The following CNTN6 variants were observed in gnomAD, a reference collection of about 807,000 sequenced individuals.
CNTN6 encodes contactin 6.
CNTN6 carries 137 observed loss-of-function variants against 122.8 expected under a neutral mutation model. The ratio of observed to expected loss-of-function variants is 1.12; its 90% CI spans 0.97 to 1.29. The LOEUF (loss-of-function observed/expected upper bound fraction) is 1.29. CNTN6 is among the 50% of genes most tolerant of loss of function. CNTN6 has a pLI of 0.00. For synonymous variants in CNTN6, 570 were observed against 426.0 expected (o/e 1.34, Z -4.16); for missense variants, 1,634 against 1,223.4 (o/e 1.34, Z -5.01).
At chr3:1,387,855 A>T (rs559848400) in intron 20 of CNTN6, among the ~76,000 whole-genome samples, 1 of 152,266 alleles carries the variant, frequency 6.6e-6, no homozygotes, top group Admixed American at 6.5e-5. Flanking sequence ...TTTTCGGACC[A>T]GCTTAAAAAA....
chr3:1,166,313 T>C (rs1349748229), intron 2 of CNTN6, among the ~76,000 whole-genome samples: 3 of 152,162 alleles, frequency 2.0e-5, no homozygotes, highest in East Asian at 1.9e-4. Context: ...ACTTGCCCAA[T>C]GTCATTCAGA....
At chr3:1,330,447 T>C (rs1702131683) in intron 11 of CNTN6, among the ~76,000 whole-genome samples, 1 of 151,818 alleles carries the variant, frequency 6.6e-6, no homozygotes, top group Non-Finnish European at 1.5e-5. Context: ...AGGTCAGCAC[T>C]GGCATGTTTT....
chr3:1,185,937 G>C (rs1261150957), intron 2 of CNTN6, among the ~76,000 whole-genome samples: 2 of 151,992 alleles, frequency 1.3e-5, no homozygotes, highest in Non-Finnish European at 2.9e-5. Flanking sequence ...TACATTTTAG[G>C]CCTTTGTTAC....
intron 4 of CNTN6, among the ~76,000 whole-genome samples, chr3:1,273,160 A>C (rs1043443108): frequency 2.6e-5 from 4 of 152,190 alleles, no homozygotes; most frequent in Non-Finnish European, 5.9e-5. Context: ...TAATGAGAGC[A>C]ACCTCAACAA....
intron 4 of CNTN6, among the ~76,000 whole-genome samples, chr3:1,230,705 T>C (rs925647008): frequency 6.6e-6 from 1 of 152,164 alleles, no homozygotes; most frequent in African/African-American, 2.4e-5. Flanking sequence ...TTTCTTAAAG[T>C]ATGTTGTTAG....
chr3:1,298,152 T>G (rs1696600951), intron 7 of CNTN6, 161 bp downstream of exon 7: 1 of 580,526 alleles, frequency 1.7e-6, no homozygotes, highest in East Asian at 2.9e-5. Context: ...CAAACATGTC[T>G]AATACTGAGA....
chr3:1,094,705 A>T lies in CNTN6; in HGVS notation c.-83+1585A>T, dbSNP rs188582769. On this transcript the variant is annotated intron_variant, in intron 1 of 22. Transcript: ENST00000446702. ...CTGAGTTTAGAACCCCCTCTAAAAAAAATCAATTATGTTGTGAAAAGGATG... is the reference window on the plus strand; with the variant it reads ...CTGAGTTTAGAACCCCCTCTAAAAATAATCAATTATGTTGTGAAAAGGATG... Among the ~76,000 whole-genome samples, 512 of 152,232 alleles carry T rather than the reference A, an allele frequency of 3.4e-3. 2 individuals are homozygous for T. The highest frequency in any genetic ancestry group is 0.012 in the African/African-American group (491 of 41,582).
chr3:1,161,062 C>A (rs1312714814), intron 2 of CNTN6, among the ~76,000 whole-genome samples: 1 of 151,830 alleles, frequency 6.6e-6, no homozygotes. Flanking sequence ...CTGTGCATTT[C>A]TTCCCAAATT....
chr3:1,114,935 A>C (rs2091648691), intron 1 of CNTN6, among the ~76,000 whole-genome samples: 1 of 152,192 alleles, frequency 6.6e-6, no homozygotes, highest in Non-Finnish European at 1.5e-5. Context: ...CTTAGGAGGC[A>C]GTGGTAGAAA....
chr3:1,102,680 A>T (rs1468682970), intron 1 of CNTN6, among the ~76,000 whole-genome samples: 1 of 149,938 alleles, frequency 6.7e-6, no homozygotes, highest in Non-Finnish European at 1.5e-5. Flanking sequence ...GTGAGCAGAG[A>T]TGGCGCCACC....
chr3:1,394,799 A>G (rs1694781125), intron 20 of CNTN6, among the ~76,000 whole-genome samples: 1 of 152,200 alleles, frequency 6.6e-6, no homozygotes, highest in African/African-American at 2.4e-5. Context: ...ATCAAATGCT[A>G]AAGATTATTG....
intron 4 of CNTN6, among the ~76,000 whole-genome samples, chr3:1,237,096 G>A (rs2094432442): frequency 6.6e-6 from 1 of 151,426 alleles, no homozygotes; most frequent in African/African-American, 2.4e-5. Flanking sequence ...GAAAAAAAAA[G>A]AAGCCACCAA....
At chr3:1,310,189 C>A (rs1413899127) in intron 7 of CNTN6, among the ~76,000 whole-genome samples, 1 of 152,008 alleles carries the variant, frequency 6.6e-6, no homozygotes, top group African/African-American at 2.4e-5. Flanking sequence ...ACATGCTTGC[C>A]TTTTTCCGCT....
At chr3:1,142,966 GTGTATATATATATATA>G (rs1482848746) in intron 1 of CNTN6, among the ~76,000 whole-genome samples, 44 of 96,606 alleles carry the variant, frequency 4.6e-4, no homozygotes, top group African/African-American at 8.1e-4. Context: ...GTGTGTGTGT[GTGTATATATATATATA>G]TATATATATA....
At chr3:1,342,259 AG>A (rs1703997290) in intron 11 of CNTN6, among the ~76,000 whole-genome samples, 1 of 152,036 alleles carries the variant, frequency 6.6e-6, no homozygotes, top group South Asian at 2.1e-4. Context: ...CCTCTGGAAT[AG>A]CTGGGATTAC....
intron 4 of CNTN6, among the ~76,000 whole-genome samples, chr3:1,253,308 C>T (rs1165852721): frequency 6.6e-6 from 1 of 152,108 alleles, no homozygotes; most frequent in African/African-American, 2.4e-5. Context: ...TTTTATCTCA[C>T]TAGTCTTGTT....
rs142401347 is a variant in CNTN6 at position 1,301,099 on chromosome 3, C to T, written c.761+3108C>T. ...TCGCCCAGGCTGGAGTGCAATGGCACGATCTCGGCTCACTGCAACCTCCGC... is the reference window on the plus strand; with the variant it reads ...TCGCCCAGGCTGGAGTGCAATGGCATGATCTCGGCTCACTGCAACCTCCGC... On this transcript the variant is annotated intron_variant, in intron 7 of 22. Transcript: ENST00000446702. 1.5e-3 allele frequency among the ~76,000 whole-genome samples: 205 copies of T among 139,648 alleles called. 4 individuals are homozygous for T. In the East Asian group the frequency reaches 0.035, roughly 24 times the overall value. 91.6% of individuals were successfully genotyped at this position (139,648 alleles called of 152,430 possible).
intron 7 of CNTN6, among the ~76,000 whole-genome samples, chr3:1,300,474 AGG>A (rs879866886): frequency 0.031 from 4,263 of 135,350 alleles, 311 homozygotes; most frequent in African/African-American, 0.15. Flanking sequence ...GAAGGAAGGA[AGG>A]AAGGAAGGAA....
chr3:1,397,913 T>C (rs1032567156), intron 20 of CNTN6, among the ~76,000 whole-genome samples: 2 of 152,040 alleles, frequency 1.3e-5, no homozygotes, highest in Non-Finnish European at 2.9e-5. Flanking sequence ...TTGAATTGAG[T>C]TCACAGTGTG....
Sources: allele counts gnomAD v4.1 joint callset (sites outside exome capture counted in the v4.1 genomes callset), GRCh38; gene constraint gnomAD v4.1.1; transcripts MANE v1.5; gene names NCBI Gene and HGNC (gene_info 2026-07-23, HGNC 2026-07-21).